Variants in CD44 observed in about 807,000 individuals in gnomAD.
CD44 encodes CD44 molecule (IN blood group).
In CD44, 49 loss-of-function variants were observed where a neutral mutation model predicts 88.8. That is an observed-to-expected ratio of 0.55 (90% CI 0.44 to 0.70). CD44 has a LOEUF of 0.70. CD44 is among the 30% of genes least tolerant of loss of function. CD44 has a pLI of 0.00. For synonymous variants in CD44, 325 were observed against 312.3 expected, an observed-to-expected ratio of 1.04 and a Z score of -0.43; for missense variants, 883 against 913.8, an observed-to-expected ratio of 0.97 and a Z score of 0.43.
intron 1 of CD44, among the ~76,000 whole-genome samples, chr11:35,161,831 G>T (rs1296199665): frequency 6.6e-6 from 1 of 152,020 alleles, no homozygotes; most frequent in Non-Finnish European, 1.5e-5. Flanking sequence ...TCTGTGTGCT[G>T]GGGGGGAAGA....
chr11:35,145,921 T>G (rs565000163), intron 1 of CD44, among the ~76,000 whole-genome samples: 4 of 152,292 alleles, frequency 2.6e-5, no homozygotes, highest in South Asian at 2.1e-4. Flanking sequence ...ACTTTGGCAA[T>G]GGCAAACGGT....
chr11:35,178,706 A>G (rs1345191654), intron 2 of CD44, among the ~76,000 whole-genome samples: 1 of 152,236 alleles, frequency 6.6e-6, no homozygotes, highest in African/African-American at 2.4e-5. Flanking sequence ...AATAGCTTAC[A>G]AAGAGAATGC....
chr11:35,223,325 T>C, intron 17 of CD44: 1 of 980,994 alleles, frequency 1.0e-6, no homozygotes, highest in Non-Finnish European at 1.2e-6. Flanking sequence ...TTTCCTATTG[T>C]GTGCAATCAG....
At chr11:35,181,682 T>TTATATATATATTTATTTATATATATTTA (rs1565079106) in intron 3 of CD44, among the ~76,000 whole-genome samples, 1 of 136,706 alleles carries the variant, frequency 7.3e-6, no homozygotes, top group African/African-American at 2.7e-5. Flanking sequence ...ATATATATAT[T>TTATATATATATTTATTTATATATATTTA]TATATATATA....
At chr11:35,196,990 T>A (rs1380155377) in intron 6 of CD44, 116 bp downstream of exon 6, 8 of 1,080,388 alleles carry the variant, frequency 7.4e-6, no homozygotes, top group Non-Finnish European at 1.1e-5. Flanking sequence ...CAAATTTTCG[T>A]TATGACTTCA....
intron 9 of CD44, among the ~76,000 whole-genome samples, chr11:35,202,234 A>G (rs1038483072): frequency 9.2e-5 from 14 of 152,220 alleles, no homozygotes; most frequent in Admixed American, 5.9e-4. Flanking sequence ...TGACTGTTCT[A>G]TAGAAAGACA....
intron 16 of CD44, 59 bp downstream of exon 16, chr11:35,219,446 C>T (rs368662547): frequency 1.7e-5 from 21 of 1,259,256 alleles, no homozygotes; most frequent in Non-Finnish European, 2.3e-5. Flanking sequence ...CAGAATGTCC[C>T]AGCAAGGACG....
At chr11:35,152,357 C>G (rs564998379) in intron 1 of CD44, among the ~76,000 whole-genome samples, 1 of 152,160 alleles carries the variant, frequency 6.6e-6, no homozygotes, top group Non-Finnish European at 1.5e-5. Context: ...AAGGTATAAA[C>G]AAAAGGCTCC....
At chr11:35,178,493 G>C (rs78179677) in intron 2 of CD44, among the ~76,000 whole-genome samples, 33 of 152,302 alleles carry the variant, frequency 2.2e-4, no homozygotes, top group African/African-American at 7.7e-4. Flanking sequence ...CCTCAGCCCA[G>C]GACAGGATTT....
intron 1 of CD44, among the ~76,000 whole-genome samples, chr11:35,166,839 G>A (rs1012607587): frequency 1.4e-4 from 21 of 152,232 alleles, no homozygotes; most frequent in African/African-American, 1.9e-4. Context: ...GGGCAATTCC[G>A]GGAGAGACTG....
intron 15 of CD44, among the ~76,000 whole-genome samples, chr11:35,216,615 T>C (rs1326840581): frequency 6.6e-6 from 1 of 151,996 alleles, no homozygotes; most frequent in Non-Finnish European, 1.5e-5. Context: ...AGTTTCCTTG[T>C]TAGTAAAAAG....
In CD44 at chr11:35,139,613, C is replaced by T. The variant is rs754563876; in HGVS notation, c.67+243C>T. 2.5e-4 allele frequency: 183 copies of T among 743,556 alleles called. 5 individuals carry two copies. The highest frequency in any genetic ancestry group is 2.4e-3 in the South Asian group (175 of 73,424). The allele number at this position is 743,556 out of a possible 1,614,324, so 46.1% of individuals were successfully genotyped here. A position where few individuals can be genotyped will look rare whatever the true frequency, so the allele number is the denominator to read the frequency against. On this transcript the variant is annotated intron_variant, in intron 1 of 17. Coordinates refer to ENST00000428726, the MANE Select transcript of CD44 (RefSeq NM_000610.4). ...GAAGAAAGTTTGTTGGGCAGGCTGC[C>T]GGCGCGCAGTTTTGGGCGAGGTCGC...
chr11:35,214,625 A>G (rs1157834870), intron 14 of CD44: 2 of 380,200 alleles, frequency 5.3e-6, no homozygotes, highest in African/African-American at 4.1e-5. Flanking sequence ...TTGCTGCCCC[A>G]GTTTCCTTAA....
intron 7 of CD44, 79 bp downstream of exon 7, chr11:35,198,325 T>G (rs1946962699): frequency 7.4e-7 from 1 of 1,356,260 alleles, no homozygotes; most frequent in Non-Finnish European, 1.0e-6. Flanking sequence ...TGTATCTCTC[T>G]TGAGAAGTAG....
Position 35,171,082 on chromosome 11 carries a change from C to T in CD44, c.68-5493C>T, listed in dbSNP as rs112762. On this transcript the variant is annotated intron_variant, in intron 1 of 17. Coordinates refer to ENST00000428726, the MANE Select transcript of CD44 (RefSeq NM_000610.4). The stretch of plus-strand genomic sequence containing the variant: ...CCTAAAATAGAGCCTGGCATATACA[C>T]AATGAATGCACAATAAATATTAGCC... Among the ~76,000 whole-genome samples the T allele has an allele frequency of 0.56, 84,686 of 152,048 alleles. 24,487 individuals carry two copies. Among genetic ancestry groups the T allele is most frequent in the African/African-American group, 0.7 (28,921 of 41,462 alleles).
chr11:35,219,126 G>C (rs1949084448), intron 15 of CD44, 190 bp from the exon 16 acceptor site: 1 of 593,336 alleles, frequency 1.7e-6, no homozygotes, highest in Non-Finnish European at 3.0e-6. Flanking sequence ...ACATTACTAA[G>C]CCTTAGCCTT....
chr11:35,140,267 A>C (rs1281524199), intron 1 of CD44, among the ~76,000 whole-genome samples: 2 of 152,312 alleles, frequency 1.3e-5, no homozygotes, highest in Non-Finnish European at 1.5e-5. Flanking sequence ...GGCTGCGTGT[A>C]AGGTATATTC....
intron 1 of CD44, 113 bp downstream of exon 1, chr11:35,139,483 T>C: frequency 3.2e-6 from 3 of 924,952 alleles, no homozygotes; most frequent in East Asian, 2.5e-5. Context: ...AAGTGAGCTG[T>C]CTGCGAAGTG....
chr11:35,221,527 T>C (rs1307816863), intron 16 of CD44, 127 bp from the exon 17 acceptor site: 4 of 780,082 alleles, frequency 5.1e-6, no homozygotes, highest in Non-Finnish European at 9.2e-6. Flanking sequence ...GCTGGACCTA[T>C]TGGCCAGACC....
Sources: gnomAD v4.1 joint callset for allele counts (sites outside exome capture counted in the v4.1 genomes callset) on GRCh38, gnomAD v4.1.1 for gene constraint, MANE v1.5 for transcripts, NCBI Gene and HGNC (gene_info 2026-07-23, HGNC 2026-07-21) for gene names.